Variants in ELAC2 observed in about 807,000 individuals in gnomAD.
The protein encoded by ELAC2 is zinc phosphodiesterase ELAC protein 2.
ELAC2 carries 92 observed loss-of-function variants against 105.2 expected under a neutral mutation model. The observed-to-expected ratio is 0.87, with a 90% CI of 0.74 to 1.04. The LOEUF (loss-of-function observed/expected upper bound fraction) is 1.04, where lower values mean the gene tolerates loss of function less well. Ranked by LOEUF, ELAC2 falls within the 50% of genes least tolerant of loss-of-function variation. The pLI is 0.00. For missense variants in ELAC2, 1,099 were observed against 1,071.7 expected (o/e 1.03, Z -0.36); for synonymous variants, 468 against 409.1 (o/e 1.14, Z -1.74).
chr17:13,000,385 T>C (rs1355479290), intron 14 of ELAC2, 111 bp from the exon 15 acceptor site: 1 of 1,021,586 alleles, frequency 9.8e-7, no homozygotes, highest in Non-Finnish European at 1.5e-6. Context: ...AGGAAGTTCC[T>C]TCAGATCAAC....
chr17:13,016,745 C>CAA (rs879009279), intron 3 of ELAC2, 117 bp downstream of exon 3: 14,695 of 639,246 alleles, frequency 0.023, 5 homozygotes, highest in South Asian at 0.025. Flanking sequence ...ACGCCACTGA[C>CAA]AAAAAAAAAA....
Position 12,994,450 on chromosome 17 carries a change from C to T in ELAC2, c.2083G>A (p.Glu695Lys). 1 of 1,614,228 alleles carries T rather than the reference C, an allele frequency of 6.2e-7. No individual in the cohort carries two copies. The highest frequency in any genetic ancestry group is 8.5e-7 in the Non-Finnish European group (1 of 1,180,050). Residue 695 changes from glutamate (E) to lysine (K), a missense_variant, in exon 22 of 24, where the codon GAG (glutamate) becomes AAG (lysine). Coordinates refer to ENST00000338034, the MANE Select transcript of ELAC2 (RefSeq NM_018127.7). The stretch of plus-strand genomic sequence containing the variant: ...CTGTGTGTCTTTTCCACTGCTTCCT[C>T]TTCCAAACCATCTTCCAGGGTGGCT... The part of the protein sequence containing the change: ...HEATLEDGLE[E>K]EAVEKTHSTT...
At position 12,992,348 on chromosome 17, in the gene ELAC2, C is replaced by G. The variant is rs2040224407; in HGVS notation, c.*470G>C. On this transcript the variant is annotated 3_prime_UTR_variant, in exon 24 of 24. Coordinates refer to ENST00000338034, the MANE Select transcript of ELAC2 (RefSeq NM_018127.7). ...TTCTCCAAGGTGGTGCACAGCAGAC[C>G]CTGCTCTGTAGCAGCAGCAGGAGGA... 1 of 233,892 alleles carries G rather than the reference C, an allele frequency of 4.3e-6. No homozygotes were observed. The highest frequency in any genetic ancestry group is 8.6e-5 in the South Asian group (1 of 11,660). 14.5% of individuals were successfully genotyped at this position (233,892 alleles called of 1,614,324 possible).
intron 14 of ELAC2, chr17:13,000,733 C>A (rs1000219292): frequency 1.3e-5 from 3 of 224,258 alleles, no homozygotes; most frequent in Non-Finnish European, 2.7e-5. Context: ...AACGCAGAAG[C>A]CAGTTCGGCA....
At chr17:12,993,930 G>A (rs998252658) in intron 22 of ELAC2, 99 bp from the exon 23 acceptor site, 20 of 1,566,294 alleles carry the variant, frequency 1.3e-5, no homozygotes, top group Admixed American at 1.8e-5. Context: ...CAGGGCACCC[G>A]GGGAAGCTGG....
At chr17:13,013,367 T>G in intron 5 of ELAC2, 92 bp from the exon 6 acceptor site, 1 of 1,351,024 alleles carries the variant, frequency 7.4e-7, no homozygotes, top group South Asian at 1.2e-5. Context: ...AGCAACTGAA[T>G]TGCCTCAGAA....
At chr17:13,012,730 G>A (rs1239135475) in intron 6 of ELAC2, among the ~76,000 whole-genome samples, 1 of 152,118 alleles carries the variant, frequency 6.6e-6, no homozygotes, top group Non-Finnish European at 1.5e-5. Context: ...CAAGTTCAAG[G>A]ACAAGACTAA....
Position 12,992,182 on chromosome 17 carries a change from A to G in ELAC2, c.*636T>C, listed in dbSNP as rs1167766998. ...AAAGCACGCCCTGCTGTGAGCTGGC[A>G]CAGCTCGAGTTGTCAAAAAGACTTG... On this transcript the variant is annotated 3_prime_UTR_variant, in exon 24 of 24. Transcript: ENST00000338034. 6.6e-6 allele frequency among the ~76,000 whole-genome samples: 1 copy of G among 152,158 alleles called. No individual in the cohort carries two copies. The highest frequency in any genetic ancestry group is 1.9e-4 in the East Asian group (1 of 5,170).
intron 5 of ELAC2, among the ~76,000 whole-genome samples, chr17:13,014,236 T>A (rs1411417907): frequency 2.2e-5 from 3 of 137,658 alleles, no homozygotes; most frequent in African/African-American, 8.4e-5. Context: ...GAGGTTGCAG[T>A]GAGCCGAGAT....
rs2040223133 is a variant in ELAC2 at position 12,992,314 on chromosome 17, C to CAGAG, written c.*500_*503dup. The CAGAG allele has an allele frequency of 3.8e-6, 1 of 260,330 alleles. No individual in the cohort carries two copies. Among genetic ancestry groups the CAGAG allele is most frequent in the African/African-American group, 2.2e-5 (1 of 46,156 alleles). 16.1% of individuals were successfully genotyped at this position (260,330 alleles called of 1,614,324 possible). A position where few individuals can be genotyped will look rare whatever the true frequency, so the allele number is the denominator to read the frequency against. Reference sequence around the variant, plus strand: ...ACCAGGCAGCTGCCACACTACAGCACAGAGAGCCTTCTCCAAGGTGGTGCA... The same window carrying CAGAG: ...ACCAGGCAGCTGCCACACTACAGCACAGAGAGAGAGCCTTCTCCAAGGTGGTGCA... On this transcript the variant is annotated 3_prime_UTR_variant, in exon 24 of 24. Transcript: ENST00000338034.
rs2040211716 is a variant in ELAC2, at chr17:12,992,146, GAT to G, written c.*670_*671del. 6.7e-6 allele frequency among the ~76,000 whole-genome samples: 1 copy of G among 150,222 alleles called. No homozygotes were observed. Among genetic ancestry groups the G allele is most frequent in the Admixed American group, 6.6e-5 (1 of 15,160 alleles). On this transcript the variant is annotated 3_prime_UTR_variant, in exon 24 of 24. Transcript: ENST00000338034. ...GATTGATTTGATTGATTGATTGATT[GAT>G]TGATAGAGAAAGCACGCCCTGCTGT... is the stretch of plus-strand genomic sequence containing the variant.
In ELAC2 at chr17:12,992,448, T is replaced by G. The variant is rs2040232588; in HGVS notation, c.*370A>C. Reference sequence around the variant, plus strand: ...CTATTTTCGTTAAGTCTCGGACACTTAGACCCACTGATCCTGTTACTCTGC... The same window carrying G: ...CTATTTTCGTTAAGTCTCGGACACTGAGACCCACTGATCCTGTTACTCTGC... On this transcript the variant is annotated 3_prime_UTR_variant, in exon 24 of 24. Coordinates refer to ENST00000338034, the MANE Select transcript of ELAC2 (RefSeq NM_018127.7). The G allele has an allele frequency of 2.4e-6, 1 of 418,432 alleles. No homozygotes were observed. The highest frequency in any genetic ancestry group is 4.1e-5 in the East Asian group (1 of 24,292). The allele number at this position is 418,432 out of a possible 1,614,324, so 25.9% of individuals were successfully genotyped here. A position where few individuals can be genotyped will look rare whatever the true frequency, so the allele number is the denominator to read the frequency against.
intron 14 of ELAC2, chr17:13,000,504 C>A: frequency 5.3e-6 from 3 of 564,896 alleles, no homozygotes; most frequent in Non-Finnish European, 9.7e-6. Context: ...ATGCTCAGGG[C>A]AAGACAGTTT....
At chr17:12,996,056 C>T in intron 17 of ELAC2, 78 bp from the exon 18 acceptor site, 1 of 1,505,070 alleles carries the variant, frequency 6.6e-7, no homozygotes, top group Non-Finnish European at 9.0e-7. Flanking sequence ...AGCCCTCTCT[C>T]TTGCAGGAGT....
In ELAC2 at chr17:12,992,366, C is replaced by G. The variant is rs1567736493; in HGVS notation, c.*452G>C. The G allele has an allele frequency of 2.8e-6, 1 of 354,284 alleles. No individual in the cohort carries two copies. 21.9% of individuals were successfully genotyped at this position (354,284 alleles called of 1,614,324 possible). The stretch of plus-strand genomic sequence containing the variant: ...AGCAGACCCTGCTCTGTAGCAGCAG[C>G]AGGAGGAAGCAAAAGAACTCACAAT... On this transcript the variant is annotated 3_prime_UTR_variant, in exon 24 of 24. Transcript: ENST00000338034.
intron 8 of ELAC2, among the ~76,000 whole-genome samples, 178 bp downstream of exon 8, chr17:13,010,435 C>T (rs537365599): frequency 2.6e-5 from 4 of 152,342 alleles, no homozygotes; most frequent in South Asian, 4.1e-4. Flanking sequence ...TCCCAAAGTG[C>T]TGGGATTACA....
chr17:13,012,636 A>G (rs531680809), intron 6 of ELAC2, among the ~76,000 whole-genome samples: 2 of 152,288 alleles, frequency 1.3e-5, no homozygotes, highest in African/African-American at 4.8e-5. Flanking sequence ...TAAGCATCAC[A>G]TTAGTTAGTA....
At chr17:13,015,607 TAGTTAATCAGAACTCAAG>T (rs1362116257) in intron 4 of ELAC2, among the ~76,000 whole-genome samples, 143 bp downstream of exon 4, 1 of 152,240 alleles carries the variant, frequency 6.6e-6, no homozygotes, top group Non-Finnish European at 1.5e-5. Context: ...CAAGGTCACA[TAGTTAATCAGAACTCAAG>T]TCTTTTTAAC....
intron 23 of ELAC2, 108 bp from the exon 24 acceptor site, chr17:12,993,153 TC>T: frequency 8.5e-7 from 1 of 1,177,570 alleles, no homozygotes; most frequent in East Asian, 2.4e-5. Context: ...CAACGCCCCT[TC>T]CTTGGCACAA....
Sources: allele counts gnomAD v4.1 joint callset (sites outside exome capture counted in the v4.1 genomes callset), GRCh38; gene constraint gnomAD v4.1.1; transcripts MANE v1.5; gene names NCBI Gene and HGNC (gene_info 2026-07-23, HGNC 2026-07-21).